WIPF1: variants seen among roughly 807,000 people sequenced by gnomAD.
WIPF1 encodes the protein WAS/WASL interacting protein family member 1.
Under a neutral mutation model 35.4 loss-of-function variants are expected in WIPF1, and 13 were observed. That is an observed-to-expected ratio of 0.37 (90% confidence interval 0.24 to 0.58). The LOEUF is 0.58. Ranked by LOEUF, WIPF1 falls within the 20% of genes least tolerant of loss-of-function variation. WIPF1 has a pLI of 0.74. For missense variants in WIPF1, 591 were observed against 667.0 expected (o/e 0.89, Z 1.25); for synonymous variants, 267 against 266.3 (o/e 1.00, Z -0.02).
chr2:174,586,286 C>T (rs12994635), intron 1 of WIPF1, among the ~76,000 whole-genome samples: 43,334 of 151,866 alleles, frequency 0.29, 6,747 homozygotes, highest in Non-Finnish European at 0.35. Context: ...AGGATCTAAG[C>T]GAAAACAGAG....
intron 4 of WIPF1, among the ~76,000 whole-genome samples, chr2:174,573,878 G>T (rs895993046): frequency 2.6e-5 from 4 of 151,590 alleles, no homozygotes; most frequent in African/African-American, 9.7e-5. Context: ...ACTTAAGAGA[G>T]AACTTTCTTC....
chr2:174,665,865 C>T (rs1436524717), intron 1 of WIPF1, among the ~76,000 whole-genome samples: 9 of 152,210 alleles, frequency 5.9e-5, no homozygotes, highest in Non-Finnish European at 1.5e-5. Flanking sequence ...TGCATGCAGA[C>T]ACCGTCCCAC....
chr2:174,647,060 G>C (rs2105955631), intron 1 of WIPF1, among the ~76,000 whole-genome samples: 1 of 152,278 alleles, frequency 6.6e-6, no homozygotes, highest in South Asian at 2.1e-4. Context: ...TTTGAGCCTG[G>C]AGGTGGTGAA....
chr2:174,566,711 T>C (rs1486261470), intron 7 of WIPF1: 1 of 182,816 alleles, frequency 5.5e-6, no homozygotes, highest in Non-Finnish European at 1.1e-5. Context: ...TTTGTTATAA[T>C]TAATCAGACA....
In WIPF1 at chr2:174,571,594, T is replaced by C; in HGVS notation, c.1129+82A>G. 6.3e-7 allele frequency: 1 copy of C among 1,590,652 alleles called. No homozygotes were observed. The highest frequency in any genetic ancestry group is 1.1e-5 in the South Asian group (1 of 90,582). ...TGAGTTTACTTATGCCTGCTTTTGT[T>C]AGACTATCTTGACTGACAGGATTAT... On this transcript the variant is annotated intron_variant, in intron 5 of 7. Coordinates refer to ENST00000679041, the MANE Select transcript of WIPF1 (RefSeq NM_001375834.1). The surrounding 1 kb of genome is among the most constrained non-coding windows in gnomAD (Gnocchi z 4.6).
intron 1 of WIPF1, among the ~76,000 whole-genome samples, chr2:174,646,531 G>A (rs903453572): frequency 6.6e-6 from 1 of 152,188 alleles, no homozygotes; most frequent in African/African-American, 2.4e-5. Flanking sequence ...ATAAACGGTG[G>A]TTACTGTTAC....
intron 1 of WIPF1, among the ~76,000 whole-genome samples, chr2:174,611,314 C>T (rs1021331333): frequency 1.3e-5 from 2 of 152,140 alleles, no homozygotes; most frequent in African/African-American, 2.4e-5. Flanking sequence ...ATGGAAAGGG[C>T]TCCAAAGTCC....
Position 174,590,654 on chromosome 2 carries a change from C to T in WIPF1, c.-38-5043G>A, listed in dbSNP as rs953884928. On this transcript the variant is annotated intron_variant, in intron 1 of 7. Transcript: ENST00000679041. This position sits in a 1 kb window ranked among gnomAD's most constrained non-coding sequence, Gnocchi z 4.6. ...GCATCAGAATCTGCTGTGCCTGTGT[C>T]CGGCTTCCCAGACTAGTTGGGCTCT... Among the ~76,000 whole-genome samples the T allele has an allele frequency of 6.6e-6, 1 of 152,194 alleles. No homozygotes were observed.
chr2:174,562,001 T>G lies in WIPF1; in HGVS notation c.*546A>C, dbSNP rs969540287. On this transcript the variant is annotated 3_prime_UTR_variant, in exon 8 of 8. Coordinates refer to ENST00000679041, the MANE Select transcript of WIPF1 (RefSeq NM_001375834.1). ...ATATTAGAAATGTAAAAATTGTATA[T>G]GGGGCTCACATTATATTTCTATTGG... 1.5e-5 allele frequency: 22 copies of G among 1,451,096 alleles called. No individual in the cohort carries two copies. Among genetic ancestry groups the G allele is most frequent in the Non-Finnish European group, 2.1e-5 (22 of 1,065,702 alleles). 89.9% of individuals were successfully genotyped at this position (1,451,096 alleles called of 1,614,324 possible).
intron 1 of WIPF1, chr2:174,676,775 C>A (rs548354220): frequency 1.8e-3 from 277 of 152,288 alleles, no homozygotes; most frequent in African/African-American, 6.3e-3. Flanking sequence ...ACTTTCCCCA[C>A]AAGAACAAAA....
At chr2:174,659,950 G>A (rs574845063) in intron 1 of WIPF1, among the ~76,000 whole-genome samples, 8 of 151,868 alleles carry the variant, frequency 5.3e-5, no homozygotes, top group East Asian at 3.9e-4. Context: ...TCACTCCAGC[G>A]TAATTATTAA....
chr2:174,635,111 C>G (rs1415660072), intron 1 of WIPF1, among the ~76,000 whole-genome samples: 2 of 152,190 alleles, frequency 1.3e-5, no homozygotes, highest in African/African-American at 4.8e-5. Context: ...GCAACCATGG[C>G]TACACACCCT....
chr2:174,573,824 C>G (rs1444514291), intron 4 of WIPF1, among the ~76,000 whole-genome samples: 1 of 151,798 alleles, frequency 6.6e-6, no homozygotes, highest in African/African-American at 2.4e-5. Flanking sequence ...ATCTAAGGCA[C>G]AGGAAGAAGC....
chr2:174,676,680 T>G (rs1688139231), intron 1 of WIPF1: 1 of 152,070 alleles, frequency 6.6e-6, no homozygotes, highest in South Asian at 2.1e-4. Context: ...GGCAAAAGAG[T>G]TGAACTTCAT....
At position 174,559,691 on chromosome 2, in the gene WIPF1, A is replaced by G. The variant is rs1684435896; in HGVS notation, c.*2856T>C. ...CAGATAGCAAAATGTGTCTGTTTAC[A>G]TAGTGCATGGTATGAAAAAAAAGTT... On this transcript the variant is annotated 3_prime_UTR_variant, in exon 8 of 8. Transcript: ENST00000679041. 1.3e-5 allele frequency: 2 copies of G among 152,474 alleles called. No homozygotes were observed. The highest frequency in any genetic ancestry group is 1.3e-4 in the Admixed American group (2 of 15,280). 9.4% of individuals were successfully genotyped at this position (152,474 alleles called of 1,614,324 possible).
intron 7 of WIPF1, among the ~76,000 whole-genome samples, chr2:174,563,525 G>A (rs1174642857): frequency 2.0e-5 from 3 of 152,108 alleles, no homozygotes; most frequent in South Asian, 2.1e-4. Flanking sequence ...CCAAGATTGC[G>A]CCACTGCACT....
chr2:174,642,471 C>T (rs1449355582), intron 1 of WIPF1, among the ~76,000 whole-genome samples: 3 of 151,022 alleles, frequency 2.0e-5, no homozygotes, highest in Admixed American at 1.3e-4. Flanking sequence ...CTCAGCCTCC[C>T]GAGTAGCTGG....
At chr2:174,600,745 A>G (rs1685974614), upstream of WIPF1, among the ~76,000 whole-genome samples, 1 of 152,228 alleles carries the variant, frequency 6.6e-6, no homozygotes, top group Non-Finnish European at 1.5e-5. Context: ...TTCAAGCTCT[A>G]TGAGAGCAGG....
chr2:174,601,997 C>G (rs1438829084), upstream of WIPF1, among the ~76,000 whole-genome samples: 2 of 152,086 alleles, frequency 1.3e-5, no homozygotes, highest in Admixed American at 1.3e-4. Context: ...GGCTGTGATG[C>G]GGATGGGAGA....
Sources: gnomAD v4.1 joint callset for allele counts (sites outside exome capture counted in the v4.1 genomes callset) on GRCh38, gnomAD v4.1.1 for gene constraint, Gnocchi (gnomAD v3.1) non-coding constraint, MANE v1.5 for transcripts, NCBI Gene and HGNC (gene_info 2026-07-23, HGNC 2026-07-21) for gene names.